TAF2: variants seen among roughly 807,000 people sequenced by gnomAD.
TAF2 encodes TATA-box binding protein associated factor 2, also known as transcription initiation factor TFIID subunit 2.
A neutral mutation model predicts 138.5 loss-of-function variants in TAF2; 61 were observed. The observed-to-expected ratio is 0.44, with a 90% CI of 0.36 to 0.54. TAF2 has a LOEUF of 0.54. Among genes scored for constraint, TAF2 ranks in the 20% least tolerant of loss-of-function variants. TAF2 has a pLI of 0.00. For missense variants in TAF2, 1,090 were observed against 1,427.9 expected (o/e 0.76, Z 3.81); for synonymous variants, 475 against 469.9 (o/e 1.01, Z -0.14).
At chr8:119,772,148 T>A (rs1821884243) in intron 18 of TAF2, among the ~76,000 whole-genome samples, 1 of 152,110 alleles carries the variant, frequency 6.6e-6, no homozygotes. Context: ...AGATACAACA[T>A]ACCAAAACCT....
chr8:119,804,983 G>A (rs537143233), intron 4 of TAF2, among the ~76,000 whole-genome samples: 3 of 151,986 alleles, frequency 2.0e-5, no homozygotes, highest in Non-Finnish European at 4.4e-5. Flanking sequence ...ATGCAATGAC[G>A]ACTTCCACGT....
Position 119,795,568 on chromosome 8 carries a change from A to G in TAF2, c.1155T>C (p.Thr385=). 1 of 1,613,796 alleles carries G rather than the reference A, an allele frequency of 6.2e-7. No individual in the cohort carries two copies. Among genetic ancestry groups the G allele is most frequent in the Non-Finnish European group, 8.5e-7 (1 of 1,179,808 alleles). Reference sequence around the variant, plus strand: ...AATGGCGGTACTCATTAACACCAAAAGTTTTTTTCATCCAAAGTCCATAGA... The same window carrying G: ...AATGGCGGTACTCATTAACACCAAAGGTTTTTTTCATCCAAAGTCCATAGA... ...GYIYGLWMKK[T]FGVNEYRHWI... is the part of the protein sequence containing the mutation. The change falls in exon 9 of 26, where the codon ACT becomes ACC. Residue 385 remains threonine (T), a synonymous_variant. Transcript: ENST00000378164.
intron 23 of TAF2, among the ~76,000 whole-genome samples, chr8:119,745,905 G>T (rs1563821585): frequency 6.6e-6 from 1 of 151,634 alleles, no homozygotes; most frequent in Admixed American, 6.6e-5. Context: ...AATTTACCTA[G>T]TCATTCATTC....
intron 20 of TAF2, 137 bp downstream of exon 20, chr8:119,760,462 A>T (rs543113381): frequency 2.1e-6 from 2 of 958,576 alleles, no homozygotes; most frequent in Non-Finnish European, 3.0e-6. Context: ...ATCAAAGATG[A>T]TTTCTAAATC....
intron 2 of TAF2, among the ~76,000 whole-genome samples, chr8:119,821,967 G>C (rs1466073787): frequency 6.6e-6 from 1 of 152,116 alleles, no homozygotes; most frequent in Non-Finnish European, 1.5e-5. Flanking sequence ...GGGAGGTTGA[G>C]GCTGCAGCGA....
intron 13 of TAF2, 54 bp from the exon 14 acceptor site, chr8:119,788,501 G>C (rs990240784): frequency 5.4e-6 from 7 of 1,286,934 alleles, no homozygotes; most frequent in South Asian, 1.2e-5. Context: ...ATACCAATAT[G>C]TATGCTTATG....
At chr8:119,818,580 TAATC>T (rs1182274081) in intron 3 of TAF2, among the ~76,000 whole-genome samples, 4 of 151,752 alleles carry the variant, frequency 2.6e-5, no homozygotes, top group East Asian at 1.9e-4. Context: ...AAAAGTAAAA[TAATC>T]AAAGGGAAAA....
intron 2 of TAF2, among the ~76,000 whole-genome samples, chr8:119,827,647 C>G (rs1449087126): frequency 6.6e-6 from 1 of 152,114 alleles, no homozygotes; most frequent in Non-Finnish European, 1.5e-5. Context: ...GACAATGTAT[C>G]TCTCCTAGCC....
chr8:119,828,798 A>C (rs1249340763), intron 2 of TAF2, among the ~76,000 whole-genome samples: 1 of 152,230 alleles, frequency 6.6e-6, no homozygotes, highest in African/African-American at 2.4e-5. Flanking sequence ...GTCATCTCTC[A>C]CACTAACAGA....
intron 22 of TAF2, among the ~76,000 whole-genome samples, chr8:119,748,203 T>C (rs1289956686): frequency 6.6e-6 from 1 of 151,830 alleles, no homozygotes; most frequent in East Asian, 1.9e-4. Flanking sequence ...CCAAGAACTG[T>C]TGTTTCAAAA....
At chr8:119,787,192 T>TA (rs1823074870) in intron 14 of TAF2, among the ~76,000 whole-genome samples, 1 of 151,932 alleles carries the variant, frequency 6.6e-6, no homozygotes, top group South Asian at 2.1e-4. Context: ...ACAAGGAACT[T>TA]AAAGTTACAA....
At chr8:119,795,675 C>T (rs753810443) in intron 8 of TAF2, 44 bp from the exon 9 acceptor site, 1 of 1,518,782 alleles carries the variant, frequency 6.6e-7, no homozygotes, top group Non-Finnish European at 9.1e-7. Flanking sequence ...ATCATAAAAA[C>T]TCCTCAGATA....
At chr8:119,798,138 C>T (rs1036417351) in intron 6 of TAF2, among the ~76,000 whole-genome samples, 15 of 152,032 alleles carry the variant, frequency 9.9e-5, no homozygotes, top group African/African-American at 3.6e-4. Context: ...CTCATAGGTA[C>T]ACATAATAAG....
intron 18 of TAF2, among the ~76,000 whole-genome samples, chr8:119,771,237 T>C (rs1422754691): frequency 3.3e-5 from 5 of 152,024 alleles, no homozygotes; most frequent in Admixed American, 1.3e-4. Flanking sequence ...GGAGTAGCCA[T>C]TCTTTTTTAC....
In TAF2 at chr8:119,731,779, A is replaced by T. The variant is rs1418908536; in HGVS notation, c.*145T>A. On this transcript the variant is annotated 3_prime_UTR_variant, in exon 26 of 26. Coordinates refer to ENST00000378164, the MANE Select transcript of TAF2 (RefSeq NM_003184.4). ...CCAACTGTATAAATAACATAAATCA[A>T]ATGCTTAGAACTTAAATGAATTCAG... 1.3e-6 allele frequency: 1 copy of T among 795,086 alleles called. No homozygotes were observed. The highest frequency in any genetic ancestry group is 2.6e-5 in the East Asian group (1 of 39,004). 49.3% of individuals were successfully genotyped at this position (795,086 alleles called of 1,614,324 possible). A position where few individuals can be genotyped will look rare whatever the true frequency, so the allele number is the denominator to read the frequency against.
intron 6 of TAF2, 126 bp from the exon 7 acceptor site, chr8:119,797,972 TGAAA>T (rs1823949673): frequency 1.1e-6 from 1 of 913,288 alleles, no homozygotes; most frequent in Non-Finnish European, 1.7e-6. Context: ...TTCAAGATGC[TGAAA>T]GAAAATGTTG....
chr8:119,750,293 A>T (rs1820260478), intron 22 of TAF2, among the ~76,000 whole-genome samples: 1 of 152,224 alleles, frequency 6.6e-6, no homozygotes, highest in Non-Finnish European at 1.5e-5. Context: ...GTGAGCCAAG[A>T]TCGCACCACT....
chr8:119,758,313 T>C (rs573066312), intron 20 of TAF2, among the ~76,000 whole-genome samples, 171 bp from the exon 21 acceptor site: 1 of 152,294 alleles, frequency 6.6e-6, no homozygotes, highest in East Asian at 1.9e-4. Context: ...ATGGCCACTT[T>C]GTAACTTTTA....
intron 3 of TAF2, among the ~76,000 whole-genome samples, chr8:119,818,284 T>A (rs1191978196): frequency 6.6e-6 from 1 of 152,186 alleles, no homozygotes; most frequent in Admixed American, 6.5e-5. Flanking sequence ...GTAGAACAAG[T>A]TCCCAGTTGA....
Sources: gnomAD v4.1 joint callset for allele counts (sites outside exome capture counted in the v4.1 genomes callset) on GRCh38, gnomAD v4.1.1 for gene constraint, MANE v1.5 for transcripts, NCBI Gene and HGNC (gene_info 2026-07-23, HGNC 2026-07-21) for gene names.